DOCK5: variants seen among roughly 807,000 people sequenced by gnomAD.
The protein encoded by DOCK5 is dedicator of cytokinesis 5, also known as dedicator of cytokinesis protein 5.
DOCK5 carries 142 observed loss-of-function variants against 251.8 expected under a neutral mutation model. The ratio of observed to expected loss-of-function variants is 0.56; its 90% CI spans 0.49 to 0.65. DOCK5 has a LOEUF of 0.65. Among genes scored for constraint, DOCK5 ranks in the 30% least tolerant of loss-of-function variants. The pLI is 0.00. For missense variants in DOCK5, 2,111 were observed against 2,312.3 expected (o/e 0.91, Z 1.79); for synonymous variants, 842 against 835.5 (o/e 1.01, Z -0.13).
chr8:25,334,306 G>C, intron 21 of DOCK5, 110 bp downstream of exon 21: 1 of 852,012 alleles, frequency 1.2e-6, no homozygotes, highest in Admixed American at 2.1e-5. Flanking sequence ...AAATACGCCT[G>C]TTAAGGCAGA....
intron 34 of DOCK5, among the ~76,000 whole-genome samples, chr8:25,371,257 G>A (rs564726453): frequency 6.6e-6 from 1 of 152,178 alleles, no homozygotes; most frequent in South Asian, 2.1e-4. Context: ...TCACGATGTT[G>A]GCCAGGGTGG....
At chr8:25,288,234 A>G (rs1460660247) in intron 5 of DOCK5, among the ~76,000 whole-genome samples, 1 of 152,110 alleles carries the variant, frequency 6.6e-6, no homozygotes, top group Non-Finnish European at 1.5e-5. Flanking sequence ...ACCTGTCCTC[A>G]TATGCTTCCC....
At chr8:25,314,192 G>A (rs1805175733) in intron 13 of DOCK5, among the ~76,000 whole-genome samples, 3 of 144,622 alleles carry the variant, frequency 2.1e-5, no homozygotes, top group Admixed American at 1.4e-4. Flanking sequence ...CTCACTGTAA[G>A]CCTCGATCTC....
intron 22 of DOCK5, among the ~76,000 whole-genome samples, chr8:25,340,210 G>A (rs1284199149): frequency 1.3e-5 from 2 of 152,150 alleles, no homozygotes; most frequent in East Asian, 1.9e-4. Context: ...TTCTTTTCTA[G>A]TTCTGTAAAA....
At chr8:25,185,549 C>G (rs1272486201) in intron 1 of DOCK5, among the ~76,000 whole-genome samples, 1 of 152,062 alleles carries the variant, frequency 6.6e-6, no homozygotes, top group African/African-American at 2.4e-5. Context: ...AGTTGTGGCA[C>G]GGGAAGGGGG....
chr8:25,392,990 C>G, intron 44 of DOCK5, 108 bp downstream of exon 44: 1 of 891,864 alleles, frequency 1.1e-6, no homozygotes, highest in Admixed American at 2.2e-5. Context: ...CCAGCCTCCT[C>G]TGGCCAACTT....
intron 1 of DOCK5, among the ~76,000 whole-genome samples, chr8:25,203,300 C>A (rs1801924005): frequency 6.6e-6 from 1 of 152,162 alleles, no homozygotes; most frequent in Non-Finnish European, 1.5e-5. Context: ...AAGATCCTTA[C>A]ATGGCTTGGC....
chr8:25,365,072 G>A (rs994549699), intron 30 of DOCK5, among the ~76,000 whole-genome samples: 1 of 152,162 alleles, frequency 6.6e-6, no homozygotes, highest in Non-Finnish European at 1.5e-5. Flanking sequence ...CTCTCCTACC[G>A]ACAAATGAGT....
intron 50 of DOCK5, 170 bp from the exon 51 acceptor site, chr8:25,409,929 G>A (rs943252628): frequency 8.5e-6 from 5 of 588,740 alleles, no homozygotes; most frequent in African/African-American, 1.9e-5. Context: ...GGCGTCACCT[G>A]TGTGATGTGG....
intron 1 of DOCK5, among the ~76,000 whole-genome samples, chr8:25,226,874 C>T (rs1010929805): frequency 1.1e-4 from 17 of 152,308 alleles, no homozygotes; most frequent in African/African-American, 3.4e-4. Flanking sequence ...CGTGAGCCAC[C>T]GCACCCGGCT....
At chr8:25,214,149 T>G (rs1252399779) in intron 1 of DOCK5, among the ~76,000 whole-genome samples, 1 of 152,192 alleles carries the variant, frequency 6.6e-6, no homozygotes, top group African/African-American at 2.4e-5. Context: ...GGCAACGCTC[T>G]AACAGTTTCA....
chr8:25,201,416 G>A (rs1019910339), intron 1 of DOCK5, among the ~76,000 whole-genome samples: 1 of 152,228 alleles, frequency 6.6e-6, no homozygotes, highest in African/African-American at 2.4e-5. Context: ...TAGTCTAACA[G>A]TATCACTAAC....
intron 1 of DOCK5, among the ~76,000 whole-genome samples, chr8:25,236,187 G>T (rs915821720): frequency 2.0e-5 from 3 of 152,154 alleles, no homozygotes; most frequent in African/African-American, 7.2e-5. Flanking sequence ...TAAGAATCCT[G>T]TAAGAGCCTG....
At chr8:25,240,043 C>T (rs1051011013) in intron 1 of DOCK5, among the ~76,000 whole-genome samples, 1 of 152,078 alleles carries the variant, frequency 6.6e-6, no homozygotes, top group Non-Finnish European at 1.5e-5. Flanking sequence ...CCGGGAAGAC[C>T]CACCACTGGC....
chr8:25,188,747 C>G (rs1302324551), intron 1 of DOCK5, among the ~76,000 whole-genome samples: 1 of 152,122 alleles, frequency 6.6e-6, no homozygotes, highest in East Asian at 1.9e-4. Flanking sequence ...CTCTAGTACC[C>G]CAGTGTTAAG....
At chr8:25,190,012 G>A (rs1221231056) in intron 1 of DOCK5, among the ~76,000 whole-genome samples, 2 of 152,120 alleles carry the variant, frequency 1.3e-5, no homozygotes, top group Admixed American at 6.5e-5. Flanking sequence ...TCAGCCTCCT[G>A]AGTAGCTGAG....
chr8:25,351,868 T>A, intron 27 of DOCK5, 42 bp downstream of exon 27: 1 of 1,574,362 alleles, frequency 6.4e-7, no homozygotes, highest in South Asian at 1.1e-5. Flanking sequence ...CTGCTGTTTC[T>A]CTGTCCCCTT....
chr8:25,394,139 T>G (rs1801305774), intron 44 of DOCK5, among the ~76,000 whole-genome samples: 1 of 152,190 alleles, frequency 6.6e-6, no homozygotes, highest in Non-Finnish European at 1.5e-5. Flanking sequence ...GAAGATGGCT[T>G]GAGCCCAGGA....
At chr8:25,286,014 A>T (rs1804321016) in intron 5 of DOCK5, among the ~76,000 whole-genome samples, 3 of 152,140 alleles carry the variant, frequency 2.0e-5, no homozygotes, top group African/African-American at 7.2e-5. Flanking sequence ...ATGGCCTTTA[A>T]CTTGAATGGT....
Sources: allele counts gnomAD v4.1 joint callset (sites outside exome capture counted in the v4.1 genomes callset), GRCh38; gene constraint gnomAD v4.1.1; transcripts MANE v1.5; gene names NCBI Gene and HGNC (gene_info 2026-07-23, HGNC 2026-07-21).